Variants in IL6R observed in about 807,000 individuals in gnomAD.
IL6R encodes interleukin 6 receptor.
A neutral mutation model predicts 48.3 loss-of-function variants in IL6R; 38 were observed. The ratio of observed to expected loss-of-function variants is 0.79; its 90% confidence interval spans 0.61 to 1.03. The LOEUF is 1.03. Ranked by LOEUF, IL6R falls within the 50% of genes least tolerant of loss-of-function variation. IL6R has a pLI of 0.00. For synonymous variants in IL6R, 264 were observed against 256.2 expected (o/e 1.03, Z -0.29); for missense variants, 534 against 618.3 (o/e 0.86, Z 1.45).
chr1:154,424,395 T>A (rs1688856425), intron 1 of IL6R, among the ~76,000 whole-genome samples: 1 of 152,234 alleles, frequency 6.6e-6, no homozygotes, highest in African/African-American at 2.4e-5. Context: ...CCTTGACCCC[T>A]ACCTTAGACC....
chr1:154,440,554 C>T (rs907986747), intron 6 of IL6R, among the ~76,000 whole-genome samples: 11 of 152,116 alleles, frequency 7.2e-5, no homozygotes, highest in Non-Finnish European at 1.5e-4. Context: ...CACATCCTTG[C>T]CAACATTTGT....
At chr1:154,429,133 A>G in intron 1 of IL6R, 63 bp from the exon 2 acceptor site, 2 of 1,559,876 alleles carry the variant, frequency 1.3e-6, no homozygotes, top group South Asian at 1.2e-5. Context: ...GCTTCCTCAG[A>G]CCAGAACGAA....
intron 1 of IL6R, among the ~76,000 whole-genome samples, chr1:154,417,588 T>C (rs1688424182): frequency 6.6e-6 from 1 of 152,104 alleles, no homozygotes; most frequent in Non-Finnish European, 1.5e-5. Context: ...TAGATATCCT[T>C]TCTTTTTTTG....
intron 9 of IL6R, 152 bp from the exon 10 acceptor site, chr1:154,464,982 A>C: frequency 2.4e-6 from 2 of 840,950 alleles, no homozygotes; most frequent in Non-Finnish European, 2.0e-6. Flanking sequence ...TGAACAAAAA[A>C]CAAAAAGACA....
chr1:154,453,791 AG>A (rs948051206), intron 8 of IL6R, among the ~76,000 whole-genome samples: 13 of 152,304 alleles, frequency 8.5e-5, no homozygotes, highest in African/African-American at 3.1e-4. Context: ...CAATTCTCAA[AG>A]GAAATGACAT....
chr1:154,435,435 G>C (rs1689560965), intron 5 of IL6R, among the ~76,000 whole-genome samples: 1 of 151,730 alleles, frequency 6.6e-6, no homozygotes, highest in Non-Finnish European at 1.5e-5. Flanking sequence ...CTTGAACCTG[G>C]GAGGTGGAGG....
chr1:154,444,207 G>C (rs1690085108), intron 6 of IL6R, among the ~76,000 whole-genome samples: 1 of 141,182 alleles, frequency 7.1e-6, no homozygotes, highest in Admixed American at 7.0e-5. Flanking sequence ...AAAGTTGCTA[G>C]CTTTTTTTTT....
chr1:154,447,483 A>ACC, intron 6 of IL6R, among the ~76,000 whole-genome samples: 1 of 120,290 alleles, frequency 8.3e-6, no homozygotes, highest in Non-Finnish European at 1.6e-5. Flanking sequence ...ATATACACAC[A>ACC]CACACACACA....
At position 154,447,472 on chromosome 1, in the gene IL6R, T is replaced by TAC. The variant is rs1377253678; in HGVS notation, c.950-652_950-651insCA. Among the ~76,000 whole-genome samples, 30 of 99,354 alleles carry TAC rather than the reference T, an allele frequency of 3.0e-4. 1 individual carries two copies. Among genetic ancestry groups the TAC allele is most frequent in the African/African-American group, 1.2e-3 (24 of 19,754 alleles). 65.2% of individuals were successfully genotyped at this position (99,354 alleles called of 152,430 possible). ...AAAAAAAAATATATATATATATATATATATACACACACACACACACACACA... is the reference window on the plus strand; with the variant it reads ...AAAAAAAAATATATATATATATATATACATATACACACACACACACACACACA... On this transcript the variant is annotated intron_variant, in intron 6 of 9. Transcript: ENST00000368485.
At chr1:154,457,387 A>G (rs978706436) in intron 9 of IL6R, among the ~76,000 whole-genome samples, 1 of 151,874 alleles carries the variant, frequency 6.6e-6, no homozygotes, top group Non-Finnish European at 1.5e-5. Flanking sequence ...GAAGCACCAC[A>G]CAGTTAAATC....
chr1:154,443,935 C>T (rs1424417579), intron 6 of IL6R, among the ~76,000 whole-genome samples: 2 of 152,156 alleles, frequency 1.3e-5, no homozygotes, highest in Non-Finnish European at 2.9e-5. Flanking sequence ...CCAGGGGACA[C>T]CCCACCCACC....
At chr1:154,451,227 G>T (rs1690560090) in intron 8 of IL6R, among the ~76,000 whole-genome samples, 1 of 152,144 alleles carries the variant, frequency 6.6e-6, no homozygotes, top group Admixed American at 6.5e-5. Context: ...GTGTTCAAAG[G>T]TTGCTATGGG....
intron 1 of IL6R, among the ~76,000 whole-genome samples, chr1:154,427,140 G>A (rs903983732): frequency 6.6e-6 from 1 of 152,062 alleles, no homozygotes; most frequent in Admixed American, 6.6e-5. Context: ...GGATGGTCTC[G>A]ATCTCTTGAC....
At chr1:154,454,716 A>G in intron 9 of IL6R, 135 bp downstream of exon 9, 1 of 675,222 alleles carries the variant, frequency 1.5e-6, no homozygotes, top group Non-Finnish European at 2.7e-6. Context: ...ACACCACAAC[A>G]CACACAACAC....
intron 1 of IL6R, among the ~76,000 whole-genome samples, chr1:154,412,030 A>C (rs1204627825): frequency 1.5e-5 from 2 of 135,372 alleles, no homozygotes; most frequent in African/African-American, 5.6e-5. Context: ...TCACTGCAAC[A>C]TCCGCCTCCC....
At chr1:154,454,330 G>A in intron 8 of IL6R, 158 bp from the exon 9 acceptor site, 2 of 611,304 alleles carry the variant, frequency 3.3e-6, no homozygotes, top group East Asian at 2.7e-5. Context: ...ATGGCCTGTT[G>A]GTTGGCAGAG....
chr1:154,448,172 G>A lies in IL6R; in HGVS notation c.996+1G>A. ...GAACGAGGTGTCCACCCCCATGCAG[G>A]TGAGCTCCTGTTCTTGTAAAAGGGT... On this transcript the variant is annotated splice_donor_variant, in intron 7 of 9. Coordinates refer to ENST00000368485, the MANE Select transcript of IL6R (RefSeq NM_000565.4). LOFTEE classifies it high-confidence loss of function. 1 of 1,612,734 alleles carries A rather than the reference G, an allele frequency of 6.2e-7. No homozygotes were observed. The highest frequency in any genetic ancestry group is 1.3e-5 in the African/African-American group (1 of 75,008).
intron 9 of IL6R, among the ~76,000 whole-genome samples, chr1:154,456,965 T>C (rs917744287): frequency 3.3e-5 from 5 of 152,008 alleles, no homozygotes; most frequent in Non-Finnish European, 5.9e-5. Context: ...CAGTAGGTGT[T>C]GGAATTACAA....
intron 6 of IL6R, among the ~76,000 whole-genome samples, chr1:154,440,993 T>C (rs1378253993): frequency 6.6e-6 from 1 of 152,208 alleles, no homozygotes; most frequent in Non-Finnish European, 1.5e-5. Flanking sequence ...TCATATATCT[T>C]TGGAGAAATA....
Sources: gnomAD v4.1 joint callset for allele counts (sites outside exome capture counted in the v4.1 genomes callset) on GRCh38, gnomAD v4.1.1 for gene constraint, MANE v1.5 for transcripts, NCBI Gene and HGNC (gene_info 2026-07-23, HGNC 2026-07-21) for gene names.